Variants in TRDN observed in about 807,000 individuals in gnomAD.
TRDN encodes triadin in skeletal muscle.
A neutral mutation model predicts 149.7 loss-of-function variants in TRDN; 161 were observed. The observed-to-expected ratio is 1.08, with a 90% CI of 0.95 to 1.23. TRDN has a LOEUF of 1.23. Among genes scored for constraint, TRDN ranks in the 50% most tolerant of loss-of-function variants. The pLI is 0.00. For missense variants in TRDN, 896 were observed against 823.5 expected (o/e 1.09, Z -1.08); for synonymous variants, 294 against 250.5 (o/e 1.17, Z -1.64).
intron 26 of TRDN, among the ~76,000 whole-genome samples, chr6:123,275,425 G>A (rs1218886625): frequency 6.6e-6 from 1 of 152,028 alleles, no homozygotes; most frequent in Non-Finnish European, 1.5e-5. Flanking sequence ...CCAGAAGCTA[G>A]GAGAAGCAAA....
intron 13 of TRDN, 21 bp from the exon 14 acceptor site, chr6:123,388,572 T>C: frequency 1.3e-6 from 2 of 1,575,956 alleles, no homozygotes; most frequent in Non-Finnish European, 1.7e-6. Context: ...GAAAATAGCG[T>C]TAAGGCATAT....
At chr6:123,342,354 C>T (rs187197155) in intron 21 of TRDN, among the ~76,000 whole-genome samples, 7 of 151,794 alleles carry the variant, frequency 4.6e-5, no homozygotes, top group Non-Finnish European at 1.0e-4. Context: ...CTAAAGAATA[C>T]TCTTTCAAAG....
At chr6:123,384,289 T>G (rs7773653) in intron 14 of TRDN, among the ~76,000 whole-genome samples, 79,823 of 151,880 alleles carry the variant, frequency 0.53, 21,788 homozygotes, top group African/African-American at 0.65. Flanking sequence ...AATGTCCGTT[T>G]TAAGTTGTCA....
intron 24 of TRDN, among the ~76,000 whole-genome samples, chr6:123,300,925 G>T (rs944151001): frequency 6.6e-6 from 1 of 151,802 alleles, no homozygotes; most frequent in Non-Finnish European, 1.5e-5. Context: ...TAAGAAACAG[G>T]CTTCCAGGTC....
At chr6:123,248,258 A>G (rs1301735954) in intron 38 of TRDN, among the ~76,000 whole-genome samples, 2 of 152,160 alleles carry the variant, frequency 1.3e-5, no homozygotes, top group Non-Finnish European at 2.9e-5. Context: ...CAGATACCAC[A>G]GAAATACAAA....
At chr6:123,591,536 A>C (rs1783780606) in intron 1 of TRDN, among the ~76,000 whole-genome samples, 1 of 152,136 alleles carries the variant, frequency 6.6e-6, no homozygotes, top group Admixed American at 6.6e-5. Flanking sequence ...ATGAGCCACC[A>C]TGTCCAGTCC....
intron 38 of TRDN, among the ~76,000 whole-genome samples, chr6:123,227,506 G>A: frequency 6.6e-6 from 1 of 151,848 alleles, no homozygotes; most frequent in East Asian, 1.9e-4. Flanking sequence ...ATGCTTAGTA[G>A]GAAACAAGAC....
rs563344373 is a variant in TRDN, at chr6:123,585,196, C to T, written c.23-14064G>A. On this transcript the variant is annotated intron_variant, in intron 1 of 40. Coordinates refer to ENST00000334268, the MANE Select transcript of TRDN (RefSeq NM_006073.4). Reference sequence around the variant, plus strand: ...GGAGGCTTTGGATTGGGAAGAAGGGCAGCAATGAGATGTAGCTGTAATCCA... The same window carrying T: ...GGAGGCTTTGGATTGGGAAGAAGGGTAGCAATGAGATGTAGCTGTAATCCA... Among the ~76,000 whole-genome samples, 39 of 149,648 alleles carry T rather than the reference C, an allele frequency of 2.6e-4. No individual in the cohort carries two copies. The East Asian group carries it at 3.3e-3, about 12-fold the overall frequency.
rs191914589 is a variant in TRDN at position 123,222,507 on chromosome 6, A to T, written c.2015-985T>A. 7.0e-4 allele frequency among the ~76,000 whole-genome samples: 106 copies of T among 151,562 alleles called. 1 individual carries two copies. In the East Asian group the frequency reaches 0.013, roughly 18 times the overall value. On this transcript the variant is annotated intron_variant, in intron 39 of 40. Transcript: ENST00000334268. Reference sequence around the variant, plus strand: ...ATTCAATTTAAAAAATATATATATAAAATATAGTATTCAGAAAGGTGTCTT... The same window carrying T: ...ATTCAATTTAAAAAATATATATATATAATATAGTATTCAGAAAGGTGTCTT...
At chr6:123,414,157 C>A (rs1230955662) in intron 12 of TRDN, among the ~76,000 whole-genome samples, 3 of 138,206 alleles carry the variant, frequency 2.2e-5, no homozygotes, top group African/African-American at 8.3e-5. Context: ...TGAACCTATG[C>A]CACATCTTTG....
At chr6:123,444,041 T>C (rs1391751237) in intron 10 of TRDN, among the ~76,000 whole-genome samples, 1 of 150,082 alleles carries the variant, frequency 6.7e-6, no homozygotes, top group African/African-American at 2.5e-5. Flanking sequence ...AAGTAGTTTT[T>C]TCCAATTCTG....
chr6:123,636,240 G>A (rs1285632068), intron 1 of TRDN, among the ~76,000 whole-genome samples: 3 of 151,858 alleles, frequency 2.0e-5, no homozygotes, highest in Admixed American at 6.6e-5. Flanking sequence ...ATATATGTAT[G>A]TGTGTTTTAC....
In TRDN at chr6:123,218,606, G is replaced by C. The variant is rs769741426; in HGVS notation, c.2185C>G (p.Gln729Glu). ...ANSPGQKQQG[Q>E] ...TAAGGGTCATACATGTGTGTTTACT[G>C]TCCTTGTTGCTTCTGTCCTGGAGAA... Residue 729 changes from glutamine (Q) to glutamate (E), a missense_variant, in exon 41 of 41, where the codon CAG (glutamine) becomes GAG (glutamate). By Grantham distance (29) the Gln-to-Glu change is conservative. Transcript: ENST00000334268. 6.2e-7 allele frequency: 1 copy of C among 1,611,214 alleles called. No homozygotes were observed. The highest frequency in any genetic ancestry group is 1.3e-5 in the African/African-American group (1 of 74,698).
chr6:123,425,740 C>A (rs1222122992), intron 12 of TRDN, among the ~76,000 whole-genome samples: 1 of 151,890 alleles, frequency 6.6e-6, no homozygotes, highest in East Asian at 1.9e-4. Context: ...CTAAGTACAG[C>A]GGGGATGAGA....
intron 4 of TRDN, among the ~76,000 whole-genome samples, chr6:123,546,046 C>A (rs1781094877): frequency 6.6e-6 from 1 of 151,992 alleles, no homozygotes; most frequent in African/African-American, 2.4e-5. Context: ...AATAAACGTG[C>A]ATAAGCTGTT....
At chr6:123,562,922 T>TC (rs1447265085) in intron 2 of TRDN, among the ~76,000 whole-genome samples, 1 of 152,204 alleles carries the variant, frequency 6.6e-6, no homozygotes, top group Non-Finnish European at 1.5e-5. Flanking sequence ...ATATTGTAGC[T>TC]CCAATCCTTG....
At chr6:123,223,672 T>TTCCTTC (rs1775236780) in intron 39 of TRDN, among the ~76,000 whole-genome samples, 2 of 105,718 alleles carry the variant, frequency 1.9e-5, no homozygotes, top group Non-Finnish European at 4.0e-5. Context: ...GCCTTCCATT[T>TTCCTTC]CTTCCTTCCT....
intron 21 of TRDN, chr6:123,350,419 A>G (rs1582903409): frequency 1.6e-6 from 1 of 641,264 alleles, no homozygotes; most frequent in Non-Finnish European, 1.9e-6. Context: ...ACATGTTTAA[A>G]CAAATAAATA....
chr6:123,371,249 A>G (rs1781315822), intron 19 of TRDN, among the ~76,000 whole-genome samples: 1 of 152,178 alleles, frequency 6.6e-6, no homozygotes, highest in African/African-American at 2.4e-5. Context: ...TGAAATAAGA[A>G]TAAATTATAT....
Sources: allele counts gnomAD v4.1 joint callset (sites outside exome capture counted in the v4.1 genomes callset), GRCh38; gene constraint gnomAD v4.1.1; transcripts MANE v1.5; gene names NCBI Gene and HGNC (gene_info 2026-07-23, HGNC 2026-07-21).